The following NLRP13 variants were observed in gnomAD, a reference collection of about 807,000 sequenced individuals.
The protein encoded by NLRP13 is NACHT, LRR and PYD domains-containing protein 13.
In NLRP13, 82 loss-of-function variants were observed where a neutral mutation model predicts 94.4. That is an observed-to-expected ratio of 0.87 (90% CI 0.73 to 1.04). The LOEUF (loss-of-function observed/expected upper bound fraction) is 1.04, where lower values mean the gene tolerates loss of function less well. Ranked by LOEUF, NLRP13 falls within the 50% of genes least tolerant of loss-of-function variation. The probability of loss-of-function intolerance (pLI) is 0.00; values close to 1 mark genes in which losing one functional copy is unlikely to be tolerated. For synonymous variants in NLRP13, 553 were observed against 464.7 expected (o/e 1.19, Z -2.45); for missense variants, 1,426 against 1,230.8 (o/e 1.16, Z -2.37).
intron 1 of NLRP13, among the ~76,000 whole-genome samples, chr19:55,930,901 A>ATATATATATATATATATTTTT (rs1338071833): frequency 9.2e-5 from 9 of 98,294 alleles, no homozygotes; most frequent in Non-Finnish European, 1.5e-4. Context: ...TATATATAAA[A>ATATATATATATATATATTTTT]TTTTAACCAG....
intron 1 of NLRP13, among the ~76,000 whole-genome samples, chr19:55,926,456 A>T (rs1359808550): frequency 6.6e-6 from 1 of 152,230 alleles, no homozygotes; most frequent in Non-Finnish European, 1.5e-5. Flanking sequence ...AGGCCTAGGC[A>T]TTCCTCCATT....
intron 9 of NLRP13, among the ~76,000 whole-genome samples, chr19:55,900,215 G>A (rs1338250141): frequency 6.6e-6 from 1 of 150,452 alleles, no homozygotes; most frequent in African/African-American, 2.5e-5. Context: ...CCCTACAAGT[G>A]ACGAGGGGAA....
chr19:55,903,121 A>AG (rs1243850098), intron 8 of NLRP13, among the ~76,000 whole-genome samples: 2 of 152,198 alleles, frequency 1.3e-5, no homozygotes, highest in East Asian at 3.9e-4. Context: ...ATAATATATT[A>AG]GGGTTGTAAT....
intron 4 of NLRP13, among the ~76,000 whole-genome samples, chr19:55,922,478 C>A (rs748609626): frequency 6.6e-6 from 1 of 152,140 alleles, no homozygotes; most frequent in Non-Finnish European, 1.5e-5. Context: ...CAGGCACACA[C>A]CACCATGCCC....
intron 5 of NLRP13, 86 bp from the exon 6 acceptor site, chr19:55,910,819 AC>A: frequency 9.0e-7 from 1 of 1,112,410 alleles, no homozygotes; most frequent in Non-Finnish European, 1.3e-6. Flanking sequence ...ACAGAAAGAA[AC>A]CCTAACAAAA....
In NLRP13 at chr19:55,911,774, A is replaced by C; in HGVS notation, c.2043T>G (p.Cys681Trp). 6.2e-7 allele frequency: 1 copy of C among 1,613,946 alleles called. No homozygotes were observed. Among genetic ancestry groups the C allele is most frequent in the Non-Finnish European group, 8.5e-7 (1 of 1,179,858 alleles). The change falls in exon 5 of 11, where the codon TGT (cysteine) becomes TGG (tryptophan). Residue 681 changes from cysteine to tryptophan, a missense_variant. Cys to Trp is a radical substitution (Grantham distance 215). Transcript: ENST00000342929. ...LQASSFCLKH[C>W]KRLNKLRLSV... ...AAAGCCTTAGCTTATTTAACCTTTT[A>C]CAGTGCTTTAGGCAAAATGAAGAAG...
intron 10 of NLRP13, among the ~76,000 whole-genome samples, chr19:55,897,736 T>C (rs948393964): frequency 3.3e-5 from 5 of 152,166 alleles, no homozygotes; most frequent in African/African-American, 1.2e-4. Context: ...TTTAAACCAA[T>C]AATTTAATGT....
chr19:55,901,911 G>A lies in NLRP13; in HGVS notation c.2789+124C>T, dbSNP rs1986190244. The stretch of plus-strand genomic sequence containing the variant: ...TCCCACACCCCCGACAAAACCAGAA[G>A]CTCCTCCATGGCAAAGAGCTTGTCC... On this transcript the variant is annotated intron_variant, in intron 9 of 10. Transcript: ENST00000342929. 15 of 986,930 alleles carry A rather than the reference G, an allele frequency of 1.5e-5. No homozygotes were observed. The East Asian group carries it at 3.7e-4, about 24-fold the overall frequency. The allele number at this position is 986,930 out of a possible 1,614,324, so 61.1% of individuals were successfully genotyped here.
At chr19:55,903,037 G>A (rs893245599) in intron 8 of NLRP13, among the ~76,000 whole-genome samples, 9 of 151,130 alleles carry the variant, frequency 6.0e-5, no homozygotes, top group African/African-American at 2.2e-4. Flanking sequence ...CAACCTATAT[G>A]TATATGATGT....
At chr19:55,926,444 C>A (rs1986967680) in intron 1 of NLRP13, among the ~76,000 whole-genome samples, 2 of 152,198 alleles carry the variant, frequency 1.3e-5, no homozygotes, top group Admixed American at 1.3e-4. Flanking sequence ...TGGTCACTCA[C>A]CAGGCCTAGG....
intron 4 of NLRP13, among the ~76,000 whole-genome samples, chr19:55,919,265 T>C (rs1461091989): frequency 1.3e-5 from 2 of 152,132 alleles, no homozygotes; most frequent in African/African-American, 2.4e-5. Flanking sequence ...GCCCACATTA[T>C]ACTGAATGGG....
chr19:55,922,324 GTTT>G (rs1376630743), intron 4 of NLRP13, among the ~76,000 whole-genome samples: 3 of 151,492 alleles, frequency 2.0e-5, no homozygotes, highest in South Asian at 2.1e-4. Flanking sequence ...GTTGTTTTTT[GTTT>G]TTTTGTTTGT....
At chr19:55,930,726 T>C (rs1338556664) in intron 1 of NLRP13, among the ~76,000 whole-genome samples, 2 of 147,306 alleles carry the variant, frequency 1.4e-5, no homozygotes, top group Non-Finnish European at 3.0e-5. Flanking sequence ...GTCTGGTTTA[T>C]AACAGGCACC....
At chr19:55,920,331 C>G (rs1024777121) in intron 4 of NLRP13, among the ~76,000 whole-genome samples, 1 of 151,928 alleles carries the variant, frequency 6.6e-6, no homozygotes, top group Non-Finnish European at 1.5e-5. Context: ...AACTGATATG[C>G]CTTAATTAAG....
At position 55,902,316 on chromosome 19, in the gene NLRP13, G is replaced by A. The variant is rs1235160689; in HGVS notation, c.2619-111C>T. ...AGCCTACACATGCAGCAGCTCCCTGGACGACAAGGTCTTTCTTTTTAGCTG... is the reference window on the plus strand; with the variant it reads ...AGCCTACACATGCAGCAGCTCCCTGAACGACAAGGTCTTTCTTTTTAGCTG... On this transcript the variant is annotated intron_variant, in intron 8 of 10. Coordinates refer to ENST00000342929, the MANE Select transcript of NLRP13 (RefSeq NM_176810.2). 1.2e-5 allele frequency: 10 copies of A among 852,302 alleles called. No homozygotes were observed. In the African/African-American group the frequency reaches 1.5e-4, roughly 13 times the overall value. 52.8% of individuals were successfully genotyped at this position (852,302 alleles called of 1,614,324 possible).
In NLRP13 at chr19:55,899,320, G is replaced by A. The variant is rs185993611; in HGVS notation, c.2790-383C>T. 2.0e-5 allele frequency among the ~76,000 whole-genome samples: 3 copies of A among 152,238 alleles called. No homozygotes were observed. In the East Asian group the frequency reaches 5.8e-4, roughly 29 times the overall value. On this transcript the variant is annotated intron_variant, in intron 9 of 10. Transcript: ENST00000342929. Reference sequence around the variant, plus strand: ...AGGAATCTCCCATAACGGCAGGTCTGAATTTCCCAGAATAAATTACTATAC... The same window carrying A: ...AGGAATCTCCCATAACGGCAGGTCTAAATTTCCCAGAATAAATTACTATAC...
At position 55,911,924 on chromosome 19, in the gene NLRP13, G is replaced by T. The variant is rs1986527472; in HGVS notation, c.1893C>A (p.Leu631=). 1 of 1,614,062 alleles carries T rather than the reference G, an allele frequency of 6.2e-7. No individual in the cohort carries two copies. Among genetic ancestry groups the T allele is most frequent in the Admixed American group, 1.7e-5 (1 of 60,004 alleles). The stretch of plus-strand genomic sequence containing the variant: ...GAAAAAGTCGTAGAATGTGAAATTG[G>T]AGAGAGGCACTTTCAGCCTTACCTA... ...EELGKAESAS[L]QFHILRLFHC... Residue 631 remains leucine, a synonymous_variant, in exon 5 of 11, where the codon CTC becomes CTA. Coordinates refer to ENST00000342929, the MANE Select transcript of NLRP13 (RefSeq NM_176810.2).
intron 1 of NLRP13, among the ~76,000 whole-genome samples, chr19:55,928,864 G>A (rs1987033233): frequency 6.6e-6 from 1 of 152,044 alleles, no homozygotes; most frequent in African/African-American, 2.4e-5. Flanking sequence ...CTGCAGAATG[G>A]GAGAAAATTT....
chr19:55,902,311 C>A (rs1014046589), intron 8 of NLRP13, 106 bp from the exon 9 acceptor site: 8 of 896,356 alleles, frequency 8.9e-6, no homozygotes, highest in African/African-American at 6.7e-5. Context: ...TGCAGCAGCT[C>A]CCTGGACGAC....
Sources: gnomAD v4.1 joint callset for allele counts (sites outside exome capture counted in the v4.1 genomes callset) on GRCh38, gnomAD v4.1.1 for gene constraint, MANE v1.5 for transcripts, NCBI Gene and HGNC (gene_info 2026-07-23, HGNC 2026-07-21) for gene names.